The following BRWD1 variants were observed in gnomAD, a reference collection of about 807,000 sequenced individuals.
BRWD1 encodes the protein bromodomain and WD repeat-containing protein 1.
BRWD1 carries 82 observed loss-of-function variants against 251.2 expected under a neutral mutation model. The observed-to-expected ratio is 0.33, with a 90% CI of 0.27 to 0.39. The LOEUF (loss-of-function observed/expected upper bound fraction) is 0.39. Among genes scored for constraint, BRWD1 ranks in the 10% least tolerant of loss-of-function variants. The pLI, the probability that BRWD1 is intolerant of heterozygous loss-of-function variation, is 1.00. For missense variants in BRWD1, 2,233 were observed against 2,711.6 expected (o/e 0.82, Z 3.92); for synonymous variants, 918 against 902.8 (o/e 1.02, Z -0.30).
chr21:39,186,324 C>T lies in BRWD1; in HGVS notation c.*9935G>A, dbSNP rs1389944778. The T allele has an allele frequency of 3.3e-5, 5 of 152,134 alleles. No homozygotes were observed. Among genetic ancestry groups the T allele is most frequent in the African/African-American group, 7.2e-5 (3 of 41,426 alleles). 9.4% of individuals were successfully genotyped at this position (152,134 alleles called of 1,614,324 possible). On this transcript the variant is annotated 3_prime_UTR_variant, in exon 41 of 41. Coordinates refer to ENST00000342449, the MANE Select transcript of BRWD1 (RefSeq NM_033656.4). Reference sequence around the variant, plus strand: ...AAAAATATATATTCCCTGAATTAGTCATATCAAGTGGTCATTCAGTATGAA... The same window carrying T: ...AAAAATATATATTCCCTGAATTAGTTATATCAAGTGGTCATTCAGTATGAA...
intron 12 of BRWD1, 67 bp from the exon 13 acceptor site, chr21:39,274,539 C>A: frequency 1.1e-5 from 14 of 1,236,448 alleles, no homozygotes; most frequent in Admixed American, 5.2e-5. Flanking sequence ...CAATTAAAAT[C>A]ACATGCAAAA....
chr21:39,230,522 A>G (rs1387705993), intron 25 of BRWD1, among the ~76,000 whole-genome samples: 2 of 152,238 alleles, frequency 1.3e-5, no homozygotes, highest in African/African-American at 2.4e-5. Context: ...GTAGTAAACC[A>G]GTGCATACGT....
intron 40 of BRWD1, among the ~76,000 whole-genome samples, chr21:39,198,299 A>C (rs1339128758): frequency 2.0e-5 from 3 of 152,244 alleles, no homozygotes; most frequent in African/African-American, 4.8e-5. Flanking sequence ...CTGCTTATTA[A>C]TGGAAAACAT....
At chr21:39,319,230 A>G (rs749443769) in intron 1 of BRWD1, among the ~76,000 whole-genome samples, 7 of 152,032 alleles carry the variant, frequency 4.6e-5, no homozygotes, top group Admixed American at 4.6e-4. Context: ...GTCTAACCCA[A>G]CCAGCTGTCC....
intron 21 of BRWD1, 54 bp from the exon 22 acceptor site, chr21:39,238,627 G>T: frequency 8.0e-7 from 1 of 1,251,982 alleles, no homozygotes; most frequent in Non-Finnish European, 1.2e-6. Flanking sequence ...AACAACACAT[G>T]TCCAGAAAAA....
intron 8 of BRWD1, among the ~76,000 whole-genome samples, chr21:39,281,516 GA>G (rs1568947566): frequency 6.6e-6 from 1 of 152,062 alleles, no homozygotes; most frequent in East Asian, 1.9e-4. Context: ...GTGACATGGC[GA>G]AACCCTGTCT....
At chr21:39,232,113 T>A (rs971875307) in intron 25 of BRWD1, 64 bp downstream of exon 25, 1 of 1,231,202 alleles carries the variant, frequency 8.1e-7, no homozygotes, top group African/African-American at 1.5e-5. Context: ...TTAAATAGAT[T>A]TGTAAGTAAT....
chr21:39,237,609 G>C (rs1601351721), intron 22 of BRWD1, among the ~76,000 whole-genome samples: 1 of 152,116 alleles, frequency 6.6e-6, no homozygotes, highest in African/African-American at 2.4e-5. Flanking sequence ...TGAATTAGAA[G>C]ACAATGAATG....
intron 8 of BRWD1, among the ~76,000 whole-genome samples, chr21:39,289,173 C>G (rs542870879): frequency 6.6e-6 from 1 of 152,102 alleles, no homozygotes; most frequent in Non-Finnish European, 1.5e-5. Flanking sequence ...TCTTGTTTTA[C>G]TTTCTTTATT....
At chr21:39,264,025 T>C (rs1410698229) in intron 17 of BRWD1, among the ~76,000 whole-genome samples, 8 of 152,098 alleles carry the variant, frequency 5.3e-5, no homozygotes, top group Non-Finnish European at 1.0e-4. Flanking sequence ...ATCAACATCA[T>C]GAAAGTCAAA....
chr21:39,248,688 G>T (rs1366134016), intron 20 of BRWD1, among the ~76,000 whole-genome samples: 2 of 144,770 alleles, frequency 1.4e-5, no homozygotes, highest in East Asian at 2.4e-4. Flanking sequence ...AAAACACTGG[G>T]GGGTGGAGGG....
chr21:39,187,902 AG>A lies in BRWD1; in HGVS notation c.*8356del. On this transcript the variant is annotated 3_prime_UTR_variant, in exon 41 of 41. Transcript: ENST00000342449. The stretch of plus-strand genomic sequence containing the variant: ...CTAACCTAGCCTAAGGGATCAAGGA[AG>A]GCTTCCTTTAAGGAAGCTTTTAGAC... The A allele has an allele frequency of 1.0e-6, 1 of 980,816 alleles. No homozygotes were observed. Among genetic ancestry groups the A allele is most frequent in the Non-Finnish European group, 1.2e-6 (1 of 825,758 alleles). The allele number at this position is 980,816 out of a possible 1,614,324, so 60.8% of individuals were successfully genotyped here. A position where few individuals can be genotyped will look rare whatever the true frequency, so the allele number is the denominator to read the frequency against.
intron 8 of BRWD1, among the ~76,000 whole-genome samples, chr21:39,285,069 C>T (rs1199334461): frequency 3.3e-5 from 5 of 152,134 alleles, no homozygotes; most frequent in African/African-American, 1.2e-4. Flanking sequence ...CATGAATCAA[C>T]CTAAACACCC....
chr21:39,289,633 T>C (rs2035745468), intron 8 of BRWD1, among the ~76,000 whole-genome samples: 1 of 152,260 alleles, frequency 6.6e-6, no homozygotes. Flanking sequence ...TCTTCAATGA[T>C]ATATTTTAAT....
intron 30 of BRWD1, 45 bp from the exon 31 acceptor site, chr21:39,218,317 C>A: frequency 6.4e-7 from 1 of 1,565,124 alleles, no homozygotes; most frequent in Non-Finnish European, 8.6e-7. Flanking sequence ...AATCCATTGC[C>A]TCTAAGTGGT....
At chr21:39,283,245 AAAC>A (rs2035529734) in intron 8 of BRWD1, among the ~76,000 whole-genome samples, 1 of 152,210 alleles carries the variant, frequency 6.6e-6, no homozygotes, top group Non-Finnish European at 1.5e-5. Flanking sequence ...AGTTCCATAA[AAAC>A]AAAATCATTG....
intron 33 of BRWD1, among the ~76,000 whole-genome samples, chr21:39,213,204 C>G (rs2146500340): frequency 6.6e-6 from 1 of 152,224 alleles, no homozygotes; most frequent in East Asian, 1.9e-4. Context: ...TGTGCCCAGC[C>G]TCCAAGGTAC....
chr21:39,211,090 CGT>C (rs1347713419), intron 34 of BRWD1, among the ~76,000 whole-genome samples, 161 bp from the exon 35 acceptor site: 4 of 152,116 alleles, frequency 2.6e-5, no homozygotes, highest in African/African-American at 9.7e-5. Context: ...ATGCATGAAA[CGT>C]AAGTTATTTT....
intron 21 of BRWD1, among the ~76,000 whole-genome samples, chr21:39,247,410 A>C (rs1210617380): frequency 6.6e-6 from 1 of 152,242 alleles, no homozygotes; most frequent in Non-Finnish European, 1.5e-5. Context: ...CCAAAATCTG[A>C]AATGCACACT....
Sources: allele counts gnomAD v4.1 joint callset (sites outside exome capture counted in the v4.1 genomes callset), GRCh38; gene constraint gnomAD v4.1.1; transcripts MANE v1.5; gene names NCBI Gene and HGNC (gene_info 2026-07-23, HGNC 2026-07-21).